The following OR6B3 variants were observed in gnomAD, a reference collection of about 807,000 sequenced individuals.
OR6B3 encodes olfactory receptor family 6 subfamily B member 3, also known as olfactory receptor 6B3.
For synonymous variants in OR6B3, 148 were observed against 187.8 expected (o/e 0.79, Z 1.73); for missense variants, 315 against 427.4 (o/e 0.74, Z 2.32).
chr2:240,051,841 G>A (rs932089265), upstream of OR6B3, among the ~76,000 whole-genome samples: 1 of 152,150 alleles, frequency 6.6e-6, no homozygotes, highest in Non-Finnish European at 1.5e-5. Context: ...CATCCCCAAA[G>A]AAGTGATTTT....
Position 240,045,096 on chromosome 2 carries a change from A to G in OR6B3, c.977T>C (p.Ile326Thr), listed in dbSNP as rs774618835. 2.5e-6 allele frequency: 4 copies of G among 1,597,624 alleles called. No homozygotes were observed. In the African/African-American group the frequency reaches 5.4e-5, roughly 22 times the overall value. ...GCCTCCTCAGAGAGGCTGGCTGTGT[A>G]TTTGGAGATGAAGTTCCAGAAGACT... The change falls in exon 2 of 2, where the codon ATA becomes ACA. Residue 326 changes from isoleucine to threonine, a missense_variant. Coordinates refer to ENST00000641019, the Ensembl canonical transcript of OR6B3.
chr2:240,049,170 G>A (rs905434249), upstream of OR6B3, among the ~76,000 whole-genome samples: 1 of 152,220 alleles, frequency 6.6e-6, no homozygotes, highest in African/African-American at 2.4e-5. Context: ...CTTGGTGGCT[G>A]TAAACAGACT....
At chr2:240,049,966 T>G (rs1177343967), upstream of OR6B3, among the ~76,000 whole-genome samples, 1 of 151,972 alleles carries the variant, frequency 6.6e-6, no homozygotes, top group Non-Finnish European at 1.5e-5. Flanking sequence ...ATTTTAATAG[T>G]AAATCATGGT....
upstream of OR6B3, among the ~76,000 whole-genome samples, chr2:240,048,534 C>T (rs553035120): frequency 2.0e-5 from 3 of 152,262 alleles, no homozygotes; most frequent in South Asian, 6.2e-4. Flanking sequence ...TCTTGCTGCG[C>T]ACCCACTGGG....
chr2:240,048,993 G>A (rs145958142), upstream of OR6B3, among the ~76,000 whole-genome samples: 407 of 152,276 alleles, frequency 2.7e-3, 2 homozygotes, highest in Non-Finnish European at 4.6e-3. Context: ...GTGGCCCAGG[G>A]GACATGGATG....
At chr2:240,048,181 TAATGA>T (rs1447671881), upstream of OR6B3, among the ~76,000 whole-genome samples, 2 of 152,208 alleles carry the variant, frequency 1.3e-5, no homozygotes, top group African/African-American at 4.8e-5. Context: ...GGAGTTACAT[TAATGA>T]AATCTAATAA....
upstream of OR6B3, among the ~76,000 whole-genome samples, chr2:240,049,868 T>A (rs545947684): frequency 6.6e-6 from 1 of 152,176 alleles, no homozygotes; most frequent in East Asian, 1.9e-4. Context: ...AGAAAAAAAG[T>A]GTGTTTTGCC....
chr2:240,049,569 A>G (rs1436201805), upstream of OR6B3, among the ~76,000 whole-genome samples: 3 of 152,238 alleles, frequency 2.0e-5, no homozygotes, highest in Non-Finnish European at 4.4e-5. Context: ...AGACTTTCAC[A>G]GCGTAAAAAC....
At chr2:240,050,807 G>T (rs181637331), upstream of OR6B3, among the ~76,000 whole-genome samples, 4 of 149,974 alleles carry the variant, frequency 2.7e-5, no homozygotes, top group Admixed American at 1.3e-4. Context: ...CTGCTTGACA[G>T]ATCTCAAAGG....
upstream of OR6B3, among the ~76,000 whole-genome samples, chr2:240,048,384 A>C (rs4854048): frequency 0.063 from 9,524 of 151,920 alleles, 445 homozygotes; most frequent in Admixed American, 0.12. Context: ...GCTCCCATCA[A>C]CCCACACCTA....
At chr2:240,044,862 T>C (rs1331744359), downstream of OR6B3, among the ~76,000 whole-genome samples, 1 of 152,260 alleles carries the variant, frequency 6.6e-6, no homozygotes, top group East Asian at 1.9e-4. Context: ...GAAATGTGCA[T>C]GGTAATTTTA....
chr2:240,045,416 C>T (rs13389099), exon 2 of OR6B3: 13 of 1,613,808 alleles, frequency 8.1e-6, no homozygotes, highest in Non-Finnish European at 1.1e-5. Flanking sequence ...GGGTGATGTG[C>T]GCATATGACA....
chr2:240,047,839 G>C (rs1022901108), upstream of OR6B3, among the ~76,000 whole-genome samples: 3 of 152,186 alleles, frequency 2.0e-5, no homozygotes, highest in African/African-American at 7.2e-5. Context: ...AATGACAAAA[G>C]TTTCAATTAT....
upstream of OR6B3, among the ~76,000 whole-genome samples, chr2:240,049,635 T>C (rs1698231375): frequency 6.6e-6 from 1 of 152,240 alleles, no homozygotes; most frequent in South Asian, 2.1e-4. Flanking sequence ...TAGCAAATGT[T>C]GTCCGGATAG....
upstream of OR6B3, among the ~76,000 whole-genome samples, chr2:240,047,399 C>T (rs1698206305): frequency 6.6e-6 from 1 of 152,132 alleles, no homozygotes; most frequent in Non-Finnish European, 1.5e-5. Context: ...GAATGGTTTC[C>T]AAGGTCTGTA....
the OR6B3 span, among the ~76,000 whole-genome samples, chr2:240,052,992 G>A: frequency 1.6e-4 from 24 of 152,148 alleles, no homozygotes; most frequent in Middle Eastern, 6.8e-3. The surrounding 1 kb of genome is among the most constrained non-coding windows in gnomAD (Gnocchi z 4.5). Context: ...TAGTAGAGAC[G>A]GGATTTCGCC....
At chr2:240,047,528 C>G (rs1209726486), upstream of OR6B3, among the ~76,000 whole-genome samples, 1 of 152,152 alleles carries the variant, frequency 6.6e-6, no homozygotes, top group Non-Finnish European at 1.5e-5. Context: ...ACTCACTGTC[C>G]TGAGGGGCAG....
At chr2:240,045,094 G>A (rs2106526214) in exon 2 of OR6B3, 3 of 1,596,788 alleles carry the variant, frequency 1.9e-6, no homozygotes, top group Non-Finnish European at 8.5e-7. Flanking sequence ...GGCTGGCTGT[G>A]TATTTGGAGA....
chr2:240,044,858 T>C (rs774185990), downstream of OR6B3, among the ~76,000 whole-genome samples: 1 of 152,260 alleles, frequency 6.6e-6, no homozygotes, highest in Non-Finnish European at 1.5e-5. Context: ...TTCTGAAATG[T>C]GCATGGTAAT....
Sources: gnomAD v4.1 joint callset for allele counts (sites outside exome capture counted in the v4.1 genomes callset) on GRCh38, gnomAD v4.1.1 for gene constraint, Gnocchi (gnomAD v3.1) non-coding constraint, MANE v1.5 for transcripts, NCBI Gene and HGNC (gene_info 2026-07-23, HGNC 2026-07-21) for gene names.